The following CSMD1 variants were observed in gnomAD, a reference collection of about 807,000 sequenced individuals.
CSMD1 encodes the protein CUB and Sushi multiple domains 1.
A neutral mutation model predicts 417.5 loss-of-function variants in CSMD1; 213 were observed. That is an observed-to-expected ratio of 0.51 (90% confidence interval 0.46 to 0.57). CSMD1 has a LOEUF of 0.57. Ranked by LOEUF, CSMD1 falls within the 20% of genes least tolerant of loss-of-function variation. The pLI, the probability that CSMD1 is intolerant of heterozygous loss-of-function variation, is 0.00. For missense variants in CSMD1, 6,923 were observed against 4,529.7 expected, an observed-to-expected ratio of 1.53 and a Z score of -15.17; for synonymous variants, 2,862 against 1,736.8, an observed-to-expected ratio of 1.65 and a Z score of -16.11.
At chr8:3,425,216 C>T (rs1055665512) in intron 12 of CSMD1, among the ~76,000 whole-genome samples, 5 of 152,164 alleles carry the variant, frequency 3.3e-5, no homozygotes, top group African/African-American at 1.2e-4. Context: ...AAGCATAATA[C>T]ATATGGCTTG....
intron 1 of CSMD1, among the ~76,000 whole-genome samples, chr8:4,963,275 A>G (rs1191294739): frequency 6.6e-6 from 1 of 152,166 alleles, no homozygotes; most frequent in Non-Finnish European, 1.5e-5. Flanking sequence ...ATCTTGACTC[A>G]CTGTAACCTC....
intron 3 of CSMD1, among the ~76,000 whole-genome samples, chr8:4,398,497 A>G (rs1164932158): frequency 7.1e-6 from 1 of 140,580 alleles, no homozygotes; most frequent in African/African-American, 2.7e-5. Flanking sequence ...GGTTCACGCC[A>G]TTCTCCTAGC....
intron 3 of CSMD1, among the ~76,000 whole-genome samples, chr8:4,410,061 G>A (rs1796565061): frequency 6.6e-6 from 1 of 152,144 alleles, no homozygotes; most frequent in Admixed American, 6.6e-5. Flanking sequence ...ATCCACACCT[G>A]CCGTGGCCTC....
At chr8:3,401,710 T>C (rs968956562) in intron 15 of CSMD1, among the ~76,000 whole-genome samples, 2 of 151,896 alleles carry the variant, frequency 1.3e-5, no homozygotes, top group African/African-American at 4.8e-5. Flanking sequence ...TGGAAAAAGG[T>C]CTTAGGAAAG....
chr8:4,187,259 T>G (rs1798737805), intron 3 of CSMD1, among the ~76,000 whole-genome samples: 1 of 152,200 alleles, frequency 6.6e-6, no homozygotes, highest in Non-Finnish European at 1.5e-5. Flanking sequence ...GGCAGAGACT[T>G]AAAATGACTT....
chr8:4,229,899 G>A (rs1351337723), intron 3 of CSMD1, among the ~76,000 whole-genome samples: 1 of 152,140 alleles, frequency 6.6e-6, no homozygotes, highest in Non-Finnish European at 1.5e-5. Flanking sequence ...CGCTTTGAGT[G>A]ATACTCAATA....
chr8:4,826,486 T>C (rs1799835180), intron 1 of CSMD1, among the ~76,000 whole-genome samples: 1 of 152,156 alleles, frequency 6.6e-6, no homozygotes. Flanking sequence ...TTGCTTTATG[T>C]TGTTTTTATT....
At chr8:3,318,010 C>A (rs529375234) in intron 23 of CSMD1, among the ~76,000 whole-genome samples, 1 of 152,130 alleles carries the variant, frequency 6.6e-6, no homozygotes, top group African/African-American at 2.4e-5. Flanking sequence ...AGGGTTTCCC[C>A]GGCTGGGCTC....
At chr8:4,087,199 C>T (rs970855173) in intron 3 of CSMD1, among the ~76,000 whole-genome samples, 7 of 152,144 alleles carry the variant, frequency 4.6e-5, no homozygotes, top group Admixed American at 3.9e-4. Flanking sequence ...CACAACTTAG[C>T]AGCCACCCTA....
At chr8:4,166,406 T>C (rs928096793) in intron 3 of CSMD1, among the ~76,000 whole-genome samples, 4 of 152,188 alleles carry the variant, frequency 2.6e-5, no homozygotes, top group Admixed American at 6.5e-5. Context: ...ATAAAATGTA[T>C]ATATACCACA....
chr8:3,253,417 T>C (rs1285770184), intron 26 of CSMD1, among the ~76,000 whole-genome samples: 2 of 152,294 alleles, frequency 1.3e-5, no homozygotes, highest in East Asian at 1.9e-4. Flanking sequence ...TTTCTGTTCT[T>C]TTACATTTGC....
intron 7 of CSMD1, among the ~76,000 whole-genome samples, chr8:3,632,121 A>G (rs1796811187): frequency 6.6e-6 from 1 of 152,184 alleles, no homozygotes; most frequent in Admixed American, 6.6e-5. Flanking sequence ...TTGAGCAAAC[A>G]TTTTCTTTAA....
At chr8:3,069,435 A>C (rs894697392) in intron 49 of CSMD1, among the ~76,000 whole-genome samples, 2 of 132,434 alleles carry the variant, frequency 1.5e-5, no homozygotes. Context: ...ACTCTGTCTG[A>C]AAAAAAAAAA....
chr8:4,182,569 C>T (rs995798598), intron 3 of CSMD1, among the ~76,000 whole-genome samples: 2 of 152,104 alleles, frequency 1.3e-5, no homozygotes, highest in African/African-American at 4.8e-5. Context: ...GATGTATGAT[C>T]ACAGAAAAGA....
intron 3 of CSMD1, among the ~76,000 whole-genome samples, chr8:4,346,654 C>T (rs566402541): frequency 3.1e-4 from 47 of 152,274 alleles, no homozygotes; most frequent in African/African-American, 1.1e-3. Context: ...ATCTTCATTG[C>T]AATTTTGAAT....
intron 1 of CSMD1, among the ~76,000 whole-genome samples, chr8:4,822,002 G>T (rs1395437064): frequency 1.3e-5 from 2 of 151,950 alleles, no homozygotes; most frequent in Non-Finnish European, 2.9e-5. Context: ...GTAATGCAAT[G>T]ACTTCTGATG....
At chr8:4,330,367 G>C (rs959485841) in intron 3 of CSMD1, among the ~76,000 whole-genome samples, 1 of 151,838 alleles carries the variant, frequency 6.6e-6, no homozygotes, top group Non-Finnish European at 1.5e-5. Flanking sequence ...GGACTAGTCA[G>C]GCAGATCACT....
chr8:4,668,470 G>C (rs924667366), intron 1 of CSMD1, among the ~76,000 whole-genome samples: 3 of 124,474 alleles, frequency 2.4e-5, no homozygotes, highest in African/African-American at 5.9e-5. Context: ...TATTATTTGA[G>C]ATGGAGTCTC....
intron 2 of CSMD1, among the ~76,000 whole-genome samples, chr8:4,580,365 C>A (rs928611608): frequency 6.6e-6 from 1 of 152,092 alleles, no homozygotes. Context: ...ACATTTTCAT[C>A]GCAGTGTTGA....
Sources: gnomAD v4.1 joint callset for allele counts (sites outside exome capture counted in the v4.1 genomes callset) on GRCh38, gnomAD v4.1.1 for gene constraint, MANE v1.5 for transcripts, NCBI Gene and HGNC (gene_info 2026-07-23, HGNC 2026-07-21) for gene names.